The following THSD7A variants were observed in gnomAD, a reference collection of about 807,000 sequenced individuals.
THSD7A encodes thrombospondin type-1 domain-containing protein 7A.
THSD7A carries 96 observed loss-of-function variants against 231.3 expected under a neutral mutation model. That is an observed-to-expected ratio of 0.41 (90% confidence interval 0.35 to 0.49). The LOEUF is 0.49. THSD7A is among the 20% of genes least tolerant of loss of function. THSD7A has a pLI of 0.05. For synonymous variants in THSD7A, 940 were observed against 743.3 expected (o/e 1.26, Z -4.30); for missense variants, 2,290 against 2,070.2 (o/e 1.11, Z -2.06).
intron 1 of THSD7A, among the ~76,000 whole-genome samples, chr7:11,765,229 T>C (rs1330022240): frequency 6.6e-6 from 1 of 152,248 alleles, no homozygotes; most frequent in Non-Finnish European, 1.5e-5. Flanking sequence ...ATAAACTTTA[T>C]TTCATCATGC....
At chr7:11,506,210 T>C (rs2189318) in intron 6 of THSD7A, among the ~76,000 whole-genome samples, 43,670 of 151,930 alleles carry the variant, frequency 0.29, 6,472 homozygotes, top group South Asian at 0.42. Flanking sequence ...CCATGATGGT[T>C]TCGATCTCCT....
chr7:11,711,368 C>T (rs539815919), intron 1 of THSD7A, among the ~76,000 whole-genome samples: 60 of 150,998 alleles, frequency 4.0e-4, no homozygotes, highest in Non-Finnish European at 7.0e-4. Flanking sequence ...TGTGTCAATG[C>T]CCCCAAGTTA....
At chr7:11,640,421 T>G (rs1004302780) in intron 1 of THSD7A, among the ~76,000 whole-genome samples, 2 of 152,172 alleles carry the variant, frequency 1.3e-5, no homozygotes, top group African/African-American at 4.8e-5. Flanking sequence ...ATTTTTGATT[T>G]TTATCTAGTT....
At chr7:11,397,816 T>G (rs1361662640) in intron 23 of THSD7A, among the ~76,000 whole-genome samples, 1 of 152,178 alleles carries the variant, frequency 6.6e-6, no homozygotes, top group Non-Finnish European at 1.5e-5. Flanking sequence ...TCAACACTGG[T>G]CATTAGAGAA....
chr7:11,811,140 T>G lies in THSD7A; in HGVS notation c.190+20617A>C, dbSNP rs189180666. 2.1e-3 allele frequency among the ~76,000 whole-genome samples: 319 copies of G among 152,308 alleles called. 1 individual carries two copies. The highest frequency in any genetic ancestry group is 7.5e-3 in the African/African-American group (311 of 41,566). On this transcript the variant is annotated intron_variant, in intron 1 of 27. Transcript: ENST00000423059. ...TTACAATATTTTAAAACTTGGTGAT[T>G]TGTGTGTAATGTCTCTTTTGTCCAT...
chr7:11,801,942 TA>T (rs1784288954), intron 1 of THSD7A, among the ~76,000 whole-genome samples: 1 of 152,238 alleles, frequency 6.6e-6, no homozygotes, highest in Admixed American at 6.5e-5. Flanking sequence ...ATTTTACTAT[TA>T]TTTTTTACAA....
At chr7:11,675,714 G>T (rs2128137121) in intron 1 of THSD7A, among the ~76,000 whole-genome samples, 1 of 152,306 alleles carries the variant, frequency 6.6e-6, no homozygotes, top group South Asian at 2.1e-4. Context: ...TGCCTCTCTA[G>T]AATCCTTCTC....
At chr7:11,573,526 A>G (rs11769538) in intron 4 of THSD7A, among the ~76,000 whole-genome samples, 49,062 of 152,172 alleles carry the variant, frequency 0.32, 7,999 homozygotes, top group South Asian at 0.43. Flanking sequence ...AACTGTAATC[A>G]CGGTCTTCTG....
intron 6 of THSD7A, among the ~76,000 whole-genome samples, chr7:11,512,959 A>ATATATATATATATATATATG (rs1449312863): frequency 8.4e-5 from 12 of 142,620 alleles, no homozygotes; most frequent in Non-Finnish European, 1.7e-4. Context: ...ATATATATAT[A>ATATATATATATATATATATG]TGTAAAATAC....
At position 11,417,518 on chromosome 7, in the gene THSD7A, C is replaced by A; in HGVS notation, c.3469G>T (p.Val1157Leu). The change falls in exon 17 of 28, where the codon GTG becomes TTG. Residue 1157 changes from valine to leucine, a missense_variant. Transcript: ENST00000423059. ...DPEEMPLGSR[V>L]CKLPCPEDCV... ...TCCTCAGGGCATGGTAATTTGCACA[C>A]TCTAGAGCCCAGGGGCATCTCTTCT... 1.2e-6 allele frequency: 2 copies of A among 1,613,810 alleles called. No individual in the cohort carries two copies. Among genetic ancestry groups the A allele is most frequent in the Non-Finnish European group, 1.7e-6 (2 of 1,179,790 alleles).
intron 1 of THSD7A, among the ~76,000 whole-genome samples, chr7:11,654,452 C>T (rs748660822): frequency 9.2e-5 from 14 of 151,894 alleles, no homozygotes; most frequent in Admixed American, 6.6e-4. Flanking sequence ...ACTGTGGACA[C>T]GACATTTTAT....
At chr7:11,569,013 T>C (rs1246741931) in intron 4 of THSD7A, among the ~76,000 whole-genome samples, 1 of 150,038 alleles carries the variant, frequency 6.7e-6, no homozygotes, top group Non-Finnish European at 1.5e-5. Context: ...CCTACACTCC[T>C]ATCTCTCACC....
chr7:11,440,154 C>G (rs147160787), intron 13 of THSD7A, among the ~76,000 whole-genome samples: 93 of 152,032 alleles, frequency 6.1e-4, no homozygotes, highest in African/African-American at 2.2e-3. Flanking sequence ...AACAACAAAG[C>G]CTGGATGATA....
intron 1 of THSD7A, among the ~76,000 whole-genome samples, chr7:11,769,462 A>G (rs933522566): frequency 2.0e-5 from 3 of 151,938 alleles, no homozygotes; most frequent in Non-Finnish European, 4.4e-5. Flanking sequence ...GTGGGCTGCC[A>G]TTTCATAATA....
At chr7:11,502,844 G>C (rs575977507) in intron 6 of THSD7A, among the ~76,000 whole-genome samples, 3 of 152,226 alleles carry the variant, frequency 2.0e-5, no homozygotes, top group African/African-American at 7.2e-5. Context: ...CTGATGGATA[G>C]AAAGAATCAG....
intron 2 of THSD7A, among the ~76,000 whole-genome samples, chr7:11,615,097 G>A (rs1055878327): frequency 6.6e-6 from 1 of 152,132 alleles, no homozygotes; most frequent in South Asian, 2.1e-4. Flanking sequence ...ATCACAGGCT[G>A]GAAAGATGCA....
chr7:11,640,879 T>G (rs1255937966), intron 1 of THSD7A, among the ~76,000 whole-genome samples: 2 of 152,102 alleles, frequency 1.3e-5, no homozygotes, highest in African/African-American at 4.8e-5. Flanking sequence ...AAAATAAAAA[T>G]GCACTCCCTA....
chr7:11,812,361 T>C (rs991010593), intron 1 of THSD7A, among the ~76,000 whole-genome samples: 3 of 152,204 alleles, frequency 2.0e-5, no homozygotes, highest in Non-Finnish European at 4.4e-5. Flanking sequence ...TATTTAGTTA[T>C]AGCTTGAAGC....
In THSD7A at chr7:11,444,848, C is replaced by A. The variant is rs1043803015; in HGVS notation, c.3064+1213G>T. On this transcript the variant is annotated intron_variant, in intron 13 of 27. Coordinates refer to ENST00000423059, the MANE Select transcript of THSD7A (RefSeq NM_015204.3). The surrounding 1 kb of genome is among the most constrained non-coding windows in gnomAD (Gnocchi z 4.2). The stretch of plus-strand genomic sequence containing the variant: ...TAATTAAACTATATATATAATTAAA[C>A]TATATATATAAAACTATCATTATAT... 6.9e-6 allele frequency among the ~76,000 whole-genome samples: 1 copy of A among 145,286 alleles called. No homozygotes were observed. The highest frequency in any genetic ancestry group is 2.5e-5 in the African/African-American group (1 of 39,834).
Sources: gnomAD v4.1 joint callset for allele counts (sites outside exome capture counted in the v4.1 genomes callset) on GRCh38, gnomAD v4.1.1 for gene constraint, Gnocchi (gnomAD v3.1) non-coding constraint, MANE v1.5 for transcripts, NCBI Gene and HGNC (gene_info 2026-07-23, HGNC 2026-07-21) for gene names.